The following FERMT1 variants were observed in gnomAD, a reference collection of about 807,000 sequenced individuals.
FERMT1 encodes FERM domain containing kindlin 1.
A neutral mutation model predicts 85.3 loss-of-function variants in FERMT1; 60 were observed. The observed-to-expected ratio is 0.70, with a 90% CI of 0.57 to 0.87. The LOEUF (loss-of-function observed/expected upper bound fraction) is 0.87. FERMT1 is among the 40% of genes least tolerant of loss of function. The pLI is 0.00. For missense variants in FERMT1, 701 were observed against 818.9 expected, an observed-to-expected ratio of 0.86 and a Z score of 1.76; for synonymous variants, 275 against 301.1, an observed-to-expected ratio of 0.91 and a Z score of 0.90.
chr20:6,087,373 C>A (rs1389580167), intron 11 of FERMT1, among the ~76,000 whole-genome samples: 1 of 152,146 alleles, frequency 6.6e-6, no homozygotes, highest in South Asian at 2.1e-4. Flanking sequence ...TGCGGTGGTG[C>A]CATCTTGGCT....
chr20:6,079,320 CT>C lies in FERMT1; in HGVS notation c.1860+115del, dbSNP rs1981927520. ...TTAGCAGACAGACAGTTACCATATGCTTGTGGTTTCTTAGGTCTAAATAGAA... is the reference window on the plus strand; with the variant it reads ...TTAGCAGACAGACAGTTACCATATGCTGTGGTTTCTTAGGTCTAAATAGAA... On this transcript the variant is annotated intron_variant, in intron 14 of 14. Coordinates refer to ENST00000217289, the MANE Select transcript of FERMT1 (RefSeq NM_017671.5). 3 of 1,105,620 alleles carry C rather than the reference CT, an allele frequency of 2.7e-6. No individual in the cohort carries two copies. In the Admixed American group the frequency reaches 5.1e-5, roughly 19 times the overall value. The allele number at this position is 1,105,620 out of a possible 1,614,324, so 68.5% of individuals were successfully genotyped here.
In FERMT1 at chr20:6,112,522, C is replaced by T; in HGVS notation, c.487G>A (p.Asp163Asn). The T allele has an allele frequency of 6.2e-7, 1 of 1,613,374 alleles. No individual in the cohort carries two copies. The highest frequency in any genetic ancestry group is 8.5e-7 in the Non-Finnish European group (1 of 1,179,594). ...DKNNKEPIIE[D>N]ILNLESSPTA... Reference sequence around the variant, plus strand: ...GGAGAACTCTCCAGGTTTAGAATATCTTCAATTATGGGTTCCTTATTATTT... The same window carrying T: ...GGAGAACTCTCCAGGTTTAGAATATTTTCAATTATGGGTTCCTTATTATTT... The change falls in exon 4 of 15, where the codon GAT becomes AAT. Residue 163 changes from aspartate (D) to asparagine (N), a missense_variant. Coordinates refer to ENST00000217289, the MANE Select transcript of FERMT1 (RefSeq NM_017671.5).
chr20:6,113,802 C>T (rs1983026360), intron 3 of FERMT1, among the ~76,000 whole-genome samples: 1 of 152,198 alleles, frequency 6.6e-6, no homozygotes, highest in Admixed American at 6.5e-5. Context: ...TCTTTTCAGT[C>T]TTACTTCCCT....
chr20:6,081,730 GA>G (rs1982004273), intron 13 of FERMT1, among the ~76,000 whole-genome samples: 1 of 152,038 alleles, frequency 6.6e-6, no homozygotes, highest in Non-Finnish European at 1.5e-5. Flanking sequence ...GCAAGAAGGG[GA>G]AACTGATGTG....
chr20:6,098,821 T>A (rs73074366), intron 6 of FERMT1, among the ~76,000 whole-genome samples: 13,658 of 152,208 alleles, frequency 0.09, 782 homozygotes, highest in Middle Eastern at 0.2. Context: ...ATAACCAGTG[T>A]TGGTGAGGCT....
chr20:6,104,631 C>A lies in FERMT1; in HGVS notation c.849+2901G>T, dbSNP rs916733643. ...TTCTGTGTGGCTGTTAGATTCAAAT[C>A]GGTTTCACTTTTTAGGCTATGAAGA... On this transcript the variant is annotated intron_variant, in intron 6 of 14. Coordinates refer to ENST00000217289, the MANE Select transcript of FERMT1 (RefSeq NM_017671.5). The surrounding 1 kb of genome is among the most constrained non-coding windows in gnomAD (Gnocchi z 4.2). Among the ~76,000 whole-genome samples the A allele has an allele frequency of 2.0e-5, 3 of 152,126 alleles. No individual in the cohort carries two copies. The highest frequency in any genetic ancestry group is 7.2e-5 in the African/African-American group (3 of 41,426).
chr20:6,085,776 G>C (rs755903535), intron 11 of FERMT1, among the ~76,000 whole-genome samples: 3 of 151,902 alleles, frequency 2.0e-5, no homozygotes, highest in Non-Finnish European at 4.4e-5. Context: ...TTGAACTCAG[G>C]AGATGCAGGT....
At chr20:6,099,830 T>TAAA (rs112369032) in intron 6 of FERMT1, among the ~76,000 whole-genome samples, 78 of 120,478 alleles carry the variant, frequency 6.5e-4, no homozygotes, top group South Asian at 6.5e-3. Context: ...TCACTGTTTC[T>TAAA]AAAAAAAAAA....
chr20:6,101,907 C>G (rs1260300640), intron 6 of FERMT1, among the ~76,000 whole-genome samples: 1 of 152,194 alleles, frequency 6.6e-6, no homozygotes, highest in Non-Finnish European at 1.5e-5. Flanking sequence ...CCACCTGCCT[C>G]AGCCTCCCAA....
intron 1 of FERMT1, among the ~76,000 whole-genome samples, chr20:6,120,804 A>T (rs954390701): frequency 1.3e-5 from 2 of 152,290 alleles, no homozygotes; most frequent in Non-Finnish European, 2.9e-5. Context: ...AGGTCTAGGG[A>T]GGGGCCATAC....
intron 2 of FERMT1, among the ~76,000 whole-genome samples, chr20:6,117,682 T>C (rs1756067825): frequency 6.6e-6 from 1 of 151,986 alleles, no homozygotes; most frequent in African/African-American, 2.4e-5. Flanking sequence ...TCCACCCACC[T>C]CAGCCTTCCA....
Position 6,110,410 on chromosome 20 carries a change from T to C in FERMT1, c.634A>G (p.Thr212Ala). ...TMTWFSDSPL[T>A]EQNCSILAFS... ...GCGAGGATGCTGCAGTTTTGTTCCG[T>C]CAAAGGGCTGTCACTGAACCAAGTC... Residue 212 changes from threonine to alanine, a missense_variant, in exon 5 of 15, where the codon ACG becomes GCG. Transcript: ENST00000217289. 1 of 1,613,980 alleles carries C rather than the reference T, an allele frequency of 6.2e-7. No individual in the cohort carries two copies. The highest frequency in any genetic ancestry group is 8.5e-7 in the Non-Finnish European group (1 of 1,179,990).
At chr20:6,119,652 C>CTT in intron 1 of FERMT1, 80 bp from the exon 2 acceptor site, 2 of 1,256,800 alleles carry the variant, frequency 1.6e-6, no homozygotes, top group Non-Finnish European at 2.2e-6. Flanking sequence ...AGCAAAATTT[C>CTT]TTTTTTGTTT....
Position 6,084,119 on chromosome 20 carries a change from G to C in FERMT1, c.1639C>G (p.Pro547Ala). Residue 547 changes from proline to alanine, a missense_variant, in exon 13 of 15, where the codon CCC becomes GCC. By Grantham distance (27) the Pro-to-Ala change is conservative (BLOSUM62 -1). Transcript: ENST00000217289. ...LEAHQNVAQM[P>A]LVEAKLRFIQ... ...AACCGCAGCTTGGCTTCGACCAGGG[G>C]CATCTGGGCCACGTTCTGGTGCGCC... The C allele has an allele frequency of 6.2e-7, 1 of 1,613,776 alleles. No homozygotes were observed. Among genetic ancestry groups the C allele is most frequent in the South Asian group, 1.1e-5 (1 of 90,976 alleles).
intron 6 of FERMT1, among the ~76,000 whole-genome samples, chr20:6,102,735 CAT>C (rs993295282): frequency 1.2e-4 from 18 of 148,300 alleles, no homozygotes; most frequent in African/African-American, 4.0e-4. Flanking sequence ...CTGGAAACCA[CAT>C]GAGTTCTGCC....
chr20:6,089,560 G>C lies in FERMT1; in HGVS notation c.1140-471C>G, dbSNP rs138118655. Among the ~76,000 whole-genome samples, 1,382 of 152,302 alleles carry C rather than the reference G, an allele frequency of 9.1e-3. 12 individuals carry two copies. Among genetic ancestry groups the C allele is most frequent in the South Asian group, 0.022 (107 of 4,826 alleles). On this transcript the variant is annotated intron_variant, in intron 9 of 14. Coordinates refer to ENST00000217289, the MANE Select transcript of FERMT1 (RefSeq NM_017671.5). ...CGGCATACTTTTTGCATTTGAAAAA[G>C]CTGTCGATATGGACAGCCCAAGCTT...
Position 6,090,418 on chromosome 20 carries a change from A to G in FERMT1, c.1140-1329T>C, listed in dbSNP as rs1982324285. 2.0e-5 allele frequency among the ~76,000 whole-genome samples: 3 copies of G among 152,212 alleles called. No homozygotes were observed. In the South Asian group the frequency reaches 6.2e-4, roughly 32 times the overall value. Reference sequence around the variant, plus strand: ...GTCAGTACTAGTCTTTCCTTAGCTAAACATATGTTATCCTTAACACAAAGA... The same window carrying G: ...GTCAGTACTAGTCTTTCCTTAGCTAGACATATGTTATCCTTAACACAAAGA... On this transcript the variant is annotated intron_variant, in intron 9 of 14. Coordinates refer to ENST00000217289, the MANE Select transcript of FERMT1 (RefSeq NM_017671.5).
rs185314931 is a variant in FERMT1, at chr20:6,079,534, T to C, written c.1762A>G (p.Asn588Asp). ...KKDDILGVSY[N>D]RLIKIDAATG... ...GCTGCATCAATTTTAATCAACCTGT[T>C]ATATGAAACTCCCAGAATGTCATCT... Residue 588 changes from asparagine to aspartate, a missense_variant, in exon 14 of 15, where the codon AAC becomes GAC. Physicochemically the swap from Asn to Asp is conservative, Grantham distance 23. Coordinates refer to ENST00000217289, the MANE Select transcript of FERMT1 (RefSeq NM_017671.5). 240 of 1,614,000 alleles carry C rather than the reference T, an allele frequency of 1.5e-4. 1 individual carries two copies. In the East Asian group the frequency reaches 3.6e-3, roughly 24 times the overall value.
At chr20:6,108,013 A>G (rs1271112937) in intron 5 of FERMT1, among the ~76,000 whole-genome samples, 1 of 152,132 alleles carries the variant, frequency 6.6e-6, no homozygotes, top group Non-Finnish European at 1.5e-5. Flanking sequence ...CTACAGGTGC[A>G]TGCCACCATG....
Sources: gnomAD v4.1 joint callset for allele counts (sites outside exome capture counted in the v4.1 genomes callset) on GRCh38, gnomAD v4.1.1 for gene constraint, Gnocchi (gnomAD v3.1) non-coding constraint, MANE v1.5 for transcripts, NCBI Gene and HGNC (gene_info 2026-07-23, HGNC 2026-07-21) for gene names.